The following CELSR1 variants were observed in gnomAD, a reference collection of about 807,000 sequenced individuals.
CELSR1 encodes cadherin EGF LAG seven-pass G-type receptor 1.
A neutral mutation model predicts 249.1 loss-of-function variants in CELSR1; 110 were observed. The ratio of observed to expected loss-of-function variants is 0.44; its 90% CI spans 0.38 to 0.52. CELSR1 has a LOEUF of 0.52. CELSR1 is among the 20% of genes least tolerant of loss of function. The pLI, the probability that CELSR1 is intolerant of heterozygous loss-of-function variation, is 0.00. For synonymous variants in CELSR1, 2,113 were observed against 1,900.0 expected, an observed-to-expected ratio of 1.11 and a Z score of -2.92; for missense variants, 4,109 against 4,296.4, an observed-to-expected ratio of 0.96 and a Z score of 1.22.
intron 1 of CELSR1, among the ~76,000 whole-genome samples, chr22:46,501,199 ATTTTTTTTTT>A (rs57293109): frequency 9.2e-6 from 1 of 108,556 alleles, no homozygotes; most frequent in Non-Finnish European, 1.7e-5. Flanking sequence ...TGCCCGGCTA[ATTTTTTTTTT>A]TTTTTTTTTT....
intron 2 of CELSR1, among the ~76,000 whole-genome samples, chr22:46,450,756 A>C (rs577856851): frequency 1.3e-5 from 2 of 151,940 alleles, no homozygotes; most frequent in East Asian, 3.9e-4. Context: ...CCCATTCCAA[A>C]CCCCCACAGC....
chr22:46,388,218 G>A (rs567035263), intron 18 of CELSR1, among the ~76,000 whole-genome samples: 1,596 of 152,128 alleles, frequency 0.01, 24 homozygotes, highest in African/African-American at 0.033. Flanking sequence ...GCGTGGTGGC[G>A]GGCGCCTGTA....
At chr22:46,481,480 T>A (rs2080265764) in intron 1 of CELSR1, 1 of 1,572,328 alleles carries the variant, frequency 6.4e-7, no homozygotes, top group Admixed American at 1.8e-5. Context: ...TTTGGCTTTG[T>A]CGTTGCAATG....
intron 2 of CELSR1, among the ~76,000 whole-genome samples, chr22:46,461,993 A>C (rs1275439401): frequency 1.3e-5 from 2 of 152,170 alleles, no homozygotes; most frequent in Non-Finnish European, 2.9e-5. Context: ...ACAGGAATCC[A>C]CTGAAAGAGC....
intron 1 of CELSR1, among the ~76,000 whole-genome samples, chr22:46,521,070 G>A (rs112775625): frequency 1.6e-4 from 25 of 152,156 alleles, no homozygotes; most frequent in Admixed American, 8.5e-4. Context: ...TCCTTTTTCA[G>A]GCTAAGTAGT....
Position 46,535,850 on chromosome 22 carries a change from C to A in CELSR1, c.1321G>T (p.Ala441Ser). ...ACCTCGATGTACACGGTGGCCGTGG[C>A]ACTGAGCGGGCCCGGATTGCGCCCC... ...DQGRNPGPLS[A>S]TATVYIEVED... Residue 441 changes from alanine to serine, a missense_variant, in exon 1 of 35, where the codon GCC becomes TCC. This residue lies in a region of CELSR1 where 673 missense variants were observed against 636.8 expected (regional missense o/e 1.06). Transcript: ENST00000674500. The A allele has an allele frequency of 6.2e-7, 1 of 1,611,480 alleles. No individual in the cohort carries two copies.
intron 1 of CELSR1, among the ~76,000 whole-genome samples, chr22:46,509,761 G>A (rs947324832): frequency 6.6e-6 from 1 of 152,158 alleles, no homozygotes; most frequent in African/African-American, 2.4e-5. Flanking sequence ...GCTGGGAGGA[G>A]GGGTTTCACG....
Position 46,364,613 on chromosome 22 carries a change from T to C in CELSR1, c.8678A>G (p.His2893Arg). 15 of 1,612,664 alleles carry C rather than the reference T, an allele frequency of 9.3e-6. No homozygotes were observed. Among genetic ancestry groups the C allele is most frequent in the Non-Finnish European group, 1.3e-5 (15 of 1,179,888 alleles). The change falls in exon 33 of 35, where the codon CAC (histidine) becomes CGC (arginine). Residue 2893 changes from histidine to arginine, a missense_variant. Transcript: ENST00000674500. ...ACGGTGACTGCCCTGCTCCTCGCGG[T>C]GCAGCTCCACGCTGACCTTGGTCTC... ...KVETKVSVEL[H>R]REEQGSHRGE...
chr22:46,474,069 G>A (rs1883474), intron 1 of CELSR1, among the ~76,000 whole-genome samples: 1 of 152,184 alleles, frequency 6.6e-6, no homozygotes, highest in Non-Finnish European at 1.5e-5. Flanking sequence ...TCTCATCCCA[G>A]CACGAGCGTC....
Position 46,466,164 on chromosome 22 carries a change from G to A in CELSR1, c.3545-1819C>T, listed in dbSNP as rs1310147734. ...GGACCAGTGGCTCTAAGGAGAAGAA[G>A]AGGTGGGGAAAACAAATGAGGCCAA... On this transcript the variant is annotated intron_variant, in intron 1 of 34. Transcript: ENST00000674500. 3.3e-5 allele frequency among the ~76,000 whole-genome samples: 5 copies of A among 152,322 alleles called. No homozygotes were observed. The East Asian group carries it at 9.7e-4, about 29-fold the overall frequency.
chr22:46,372,770 G>A (rs1678542029), intron 25 of CELSR1, 113 bp downstream of exon 25: 8 of 1,348,710 alleles, frequency 5.9e-6, no homozygotes, highest in East Asian at 2.4e-5. Context: ...TCTGCTGGGG[G>A]CTGGACAAGC....
At chr22:46,521,306 A>G (rs903051931) in intron 1 of CELSR1, among the ~76,000 whole-genome samples, 1 of 152,162 alleles carries the variant, frequency 6.6e-6, no homozygotes, top group Non-Finnish European at 1.5e-5. Flanking sequence ...GATCGAGACC[A>G]TCCTGCCTAA....
intron 5 of CELSR1, among the ~76,000 whole-genome samples, chr22:46,418,296 C>G (rs1362457053): frequency 6.6e-6 from 1 of 152,046 alleles, no homozygotes; most frequent in East Asian, 1.9e-4. Flanking sequence ...GCCTGGCCAA[C>G]AAGGTGAAAC....
chr22:46,440,856 T>TA lies in CELSR1; in HGVS notation c.4184-1446dup, dbSNP rs766607414. Among the ~76,000 whole-genome samples, 2 of 152,132 alleles carry TA rather than the reference T, an allele frequency of 1.3e-5. No homozygotes were observed. Among genetic ancestry groups the TA allele is most frequent in the Admixed American group, 6.6e-5 (1 of 15,254 alleles). ...CATGGCTCTGGTCATCTTGGGTTGT[T>TA]AAAAGACTGCCACAGGCCAGACGCA... On this transcript the variant is annotated intron_variant, in intron 2 of 34. Coordinates refer to ENST00000674500, the MANE Select transcript of CELSR1 (RefSeq NM_001378328.1). This position sits in a 1 kb window ranked among gnomAD's most constrained non-coding sequence, Gnocchi z 4.7.
Position 46,535,423 on chromosome 22 carries a change from G to C in CELSR1, c.1748C>G (p.Pro583Arg). 6.2e-7 allele frequency: 1 copy of C among 1,608,080 alleles called. No individual in the cohort carries two copies. The highest frequency in any genetic ancestry group is 8.5e-7 in the Non-Finnish European group (1 of 1,177,352). ...TVLENVPLGY[P>R]VVHIQAVDAD... ...GTCCACCGCCTGAATGTGCACCACG[G>C]GGTAGCCCAGGGGCACATTCTCCAG... The change falls in exon 1 of 35, where the codon CCC (proline) becomes CGC (arginine). Residue 583 changes from proline to arginine, a missense_variant. Around this residue, in one of 7 missense-constraint regions of CELSR1, gnomAD observed 886 missense variants for 896.5 expected, o/e 0.99. Transcript: ENST00000674500.
intron 1 of CELSR1, among the ~76,000 whole-genome samples, chr22:46,510,653 G>A (rs1005891289): frequency 7.2e-5 from 11 of 152,190 alleles, no homozygotes; most frequent in African/African-American, 2.7e-4. Context: ...TAAAGGAAAA[G>A]GCCCCTGGGC....
In CELSR1 at chr22:46,535,632, G is replaced by T. The variant is rs201155902; in HGVS notation, c.1539C>A (p.Ser513Arg). The change falls in exon 1 of 35, where the codon AGC becomes AGA. Residue 513 changes from serine (S) to arginine (R), a missense_variant. Physicochemically the swap from Ser to Arg is moderately radical, Grantham distance 110. Coordinates refer to ENST00000674500, the MANE Select transcript of CELSR1 (RefSeq NM_001378328.1). The part of the protein sequence containing the change: ...VAGQFYLHSL[S>R]GILDVINPLD... ...AGGGGTTGATCACATCCAGGATCCC[G>T]CTCAGCGAGTGCAGGTAGAACTGGC... 6.2e-7 allele frequency: 1 copy of T among 1,613,362 alleles called. No individual in the cohort carries two copies. Among genetic ancestry groups the T allele is most frequent in the Admixed American group, 1.7e-5 (1 of 60,022 alleles).
At position 46,380,901 on chromosome 22, in the gene CELSR1, G is replaced by A. The variant is rs369520213; in HGVS notation, c.7143C>T (p.Ser2381=). 13 of 1,613,430 alleles carry A rather than the reference G, an allele frequency of 8.1e-6. No homozygotes were observed. Among genetic ancestry groups the A allele is most frequent in the African/African-American group, 4.0e-5 (3 of 74,908 alleles). ...GGGGTCTCGGGAGCGGAGCCCCCTCGCTGTACACCAGCGTGCTCACCATCG... is the reference window on the plus strand; with the variant it reads ...GGGGTCTCGGGAGCGGAGCCCCCTCACTGTACACCAGCGTGCTCACCATCG... ...NTPMVSTLVY[S]EGAPLPRPLE... is the part of the protein sequence containing the mutation. The change falls in exon 22 of 35, where the codon AGC becomes AGT. Residue 2381 remains serine, a synonymous_variant. Transcript: ENST00000674500. This position sits in a 1 kb window ranked among gnomAD's most constrained non-coding sequence, Gnocchi z 5.1.
chr22:46,416,127 A>G (rs1291903787), intron 5 of CELSR1, among the ~76,000 whole-genome samples: 1 of 149,296 alleles, frequency 6.7e-6, no homozygotes, highest in East Asian at 1.9e-4. Flanking sequence ...AAGGAATGAG[A>G]CAGACGAACC....
Sources: allele counts gnomAD v4.1 joint callset (sites outside exome capture counted in the v4.1 genomes callset), GRCh38; gene constraint gnomAD v4.1.1; regional missense constraint gnomAD v4.1.1; non-coding constraint Gnocchi (gnomAD v3.1); transcripts MANE v1.5; gene names NCBI Gene and HGNC (gene_info 2026-07-23, HGNC 2026-07-21).